Variants in SEC24C observed in about 807,000 individuals in gnomAD.
SEC24C encodes the protein SEC24 homolog C, COPII component.
SEC24C carries 22 observed loss-of-function variants against 117.0 expected under a neutral mutation model. The observed-to-expected ratio is 0.19, with a 90% CI of 0.13 to 0.27. SEC24C has a LOEUF of 0.27. Ranked by LOEUF, SEC24C falls within the 10% of genes least tolerant of loss-of-function variation. The pLI is 1.00. For synonymous variants in SEC24C, 506 were observed against 529.4 expected (o/e 0.96, Z 0.61); for missense variants, 1,155 against 1,375.1 (o/e 0.84, Z 2.53).
Position 73,768,850 on chromosome 10 carries a change from G to A in SEC24C, c.2222G>A (p.Arg741His), listed in dbSNP as rs1304531396. The A allele has an allele frequency of 4.3e-6, 7 of 1,614,008 alleles. No individual in the cohort carries two copies. The highest frequency in any genetic ancestry group is 2.2e-5 in the South Asian group (2 of 91,066). The change falls in exon 16 of 23, where the codon CGT becomes CAT. Residue 741 changes from arginine (R) to histidine (H), a missense_variant. Arg to His is a conservative substitution (Grantham distance 29). Around this residue, in one of 2 missense-constraint regions of SEC24C, gnomAD observed 759 missense variants for 992.3 expected, o/e 0.76. Coordinates refer to ENST00000345254, the MANE Select transcript of SEC24C (RefSeq NM_198597.3). ...GAGCGGTTCCTGAGTGACCTGCGTC[G>A]TGATGTCCAGAAGGTTGTTGGCTTT... ...DQERFLSDLRRDVQKVVGFDA... is the reference protein window; with the variant it reads ...DQERFLSDLRHDVQKVVGFDA...
Position 73,768,871 on chromosome 10 carries a change from G to A in SEC24C, c.2243G>A (p.Gly748Asp). 1 of 1,614,174 alleles carries A rather than the reference G, an allele frequency of 6.2e-7. No homozygotes were observed. The highest frequency in any genetic ancestry group is 8.5e-7 in the Non-Finnish European group (1 of 1,180,048). Residue 748 changes from glycine (G) to aspartate (D), a missense_variant, in exon 16 of 23, where the codon GGC becomes GAC. Gly to Asp is a moderately conservative substitution (Grantham distance 94). Around this residue, in one of 2 missense-constraint regions of SEC24C, gnomAD observed 759 missense variants for 992.3 expected, o/e 0.76. Transcript: ENST00000345254. The stretch of plus-strand genomic sequence containing the variant: ...CGTCGTGATGTCCAGAAGGTTGTTG[G>A]CTTTGATGCTGTGATGCGGGTCCGG... The part of the protein sequence containing the change: ...DLRRDVQKVV[G>D]FDAVMRVRTS...
At chr10:73,760,658 T>C in intron 5 of SEC24C, 55 bp from the exon 6 acceptor site, 1 of 1,516,210 alleles carries the variant, frequency 6.6e-7, no homozygotes. Flanking sequence ...CCTGAGGCCT[T>C]AAGAAGAGAT....
In SEC24C at chr10:73,769,525, A is replaced by G. The variant is rs1156477688; in HGVS notation, c.2563+40A>G. The G allele has an allele frequency of 1.2e-6, 2 of 1,613,840 alleles. No individual in the cohort carries two copies. Among genetic ancestry groups the G allele is most frequent in the Non-Finnish European group, 1.7e-6 (2 of 1,179,900 alleles). On this transcript the variant is annotated intron_variant, in intron 18 of 22. Coordinates refer to ENST00000345254, the MANE Select transcript of SEC24C (RefSeq NM_198597.3). This position sits in a 1 kb window ranked among gnomAD's most constrained non-coding sequence, Gnocchi z 4.5. Reference sequence around the variant, plus strand: ...AGGGCAGGGTGGGATTGGGGCTGAGAGGTCCAGGATGGTGAGTGGGTAGTT... The same window carrying G: ...AGGGCAGGGTGGGATTGGGGCTGAGGGGTCCAGGATGGTGAGTGGGTAGTT...
At chr10:73,760,956 TG>T (rs2082788393) in intron 6 of SEC24C, 107 bp downstream of exon 6, 10 of 1,279,606 alleles carry the variant, frequency 7.8e-6, no homozygotes, top group Non-Finnish European at 1.1e-5. Context: ...TTTCCCTTTT[TG>T]TTCATCTTCT....
At chr10:73,746,709 C>T in intron 1 of SEC24C, 96 bp from the exon 2 acceptor site, 1 of 759,766 alleles carries the variant, frequency 1.3e-6, no homozygotes, top group South Asian at 2.3e-5. Context: ...TGATCACTGT[C>T]TGATAAGGTC....
chr10:73,769,434 C>A lies in SEC24C; in HGVS notation c.2512C>A (p.Leu838Ile), dbSNP rs750148657. The change falls in exon 18 of 23, where the codon CTA (leucine) becomes ATA (isoleucine). Residue 838 changes from leucine to isoleucine, a missense_variant. Around this residue, in one of 2 missense-constraint regions of SEC24C, gnomAD observed 759 missense variants for 992.3 expected, o/e 0.76. Coordinates refer to ENST00000345254, the MANE Select transcript of SEC24C (RefSeq NM_198597.3). This position sits in a 1 kb window ranked among gnomAD's most constrained non-coding sequence, Gnocchi z 4.5. ...GAACTGCTGCACCCAGCTGGCTGAT[C>A]TATATCGAAACTGTGAGACTGACAC... ...ALNCCTQLAD[L>I]YRNCETDTLI... is the part of the protein sequence containing the mutation. 1.2e-6 allele frequency: 2 copies of A among 1,614,114 alleles called. No homozygotes were observed. The highest frequency in any genetic ancestry group is 1.7e-6 in the Non-Finnish European group (2 of 1,180,018).
intron 12 of SEC24C, 104 bp downstream of exon 12, chr10:73,766,645 G>T: frequency 1.4e-6 from 2 of 1,450,454 alleles, no homozygotes; most frequent in Non-Finnish European, 1.9e-6. Context: ...GAAAGGGGTT[G>T]TGGCCCAGGA....
At chr10:73,762,489 A>T (rs563102667) in intron 6 of SEC24C, among the ~76,000 whole-genome samples, 2 of 152,220 alleles carry the variant, frequency 1.3e-5, no homozygotes, top group South Asian at 4.1e-4. Context: ...TGTATGATGG[A>T]AGAGGACAAA....
intron 3 of SEC24C, among the ~76,000 whole-genome samples, chr10:73,754,426 A>G (rs2082683490): frequency 6.6e-6 from 1 of 152,190 alleles, no homozygotes; most frequent in Non-Finnish European, 1.5e-5. Context: ...GGAAAAAAAA[A>G]GTATATGGGA....
intron 5 of SEC24C, 83 bp from the exon 6 acceptor site, chr10:73,760,630 T>C: frequency 1.4e-6 from 2 of 1,383,638 alleles, no homozygotes; most frequent in Non-Finnish European, 2.0e-6. Flanking sequence ...TCTATGTTTT[T>C]AGGAGTCTAG....
At position 73,765,443 on chromosome 10, in the gene SEC24C, C is replaced by T. The variant is rs112292334; in HGVS notation, c.1228-8C>T. 3.1e-5 allele frequency: 50 copies of T among 1,606,978 alleles called. No homozygotes were observed. The highest frequency in any genetic ancestry group is 1.5e-4 in the South Asian group (14 of 90,958). On this transcript the variant is annotated splice_polypyrimidine_tract_variant and splice_region_variant and intron_variant, in intron 8 of 22. Transcript: ENST00000345254. ...TTTATGTCTGATCCCTTCCCCTTTG[C>T]GCCTTAGGCTTCACCGTATGTTGTG...
In SEC24C at chr10:73,749,539, CT is replaced by C. The variant is rs1163386772; in HGVS notation, c.173-1554del. Among the ~76,000 whole-genome samples the C allele has an allele frequency of 6.0e-3, 837 of 139,438 alleles. 11 individuals carry two copies. The highest frequency in any genetic ancestry group is 0.051 in the East Asian group (248 of 4,908). The allele number at this position is 139,438 out of a possible 152,430, so 91.5% of individuals were successfully genotyped here. A position where few individuals can be genotyped will look rare whatever the true frequency, so the allele number is the denominator to read the frequency against. On this transcript the variant is annotated intron_variant, in intron 2 of 22. Transcript: ENST00000345254. ...GCTTTTAACCTTACCTTTTCTTTTT[CT>C]TTTTTTTTTTTTTTCTTTTTGGAGA...
Position 73,771,086 on chromosome 10 carries a change from A to G in SEC24C, c.3276A>G (p.Leu1092=). The change falls in exon 23 of 23, where the codon CTA becomes CTG. Residue 1092 remains leucine, a synonymous_variant. Coordinates refer to ENST00000345254, the MANE Select transcript of SEC24C (RefSeq NM_198597.3). ...LCHMHKEIRQ[L]LS ...ATATGCACAAGGAGATTCGGCAGCT[A>G]CTGAGCTAAAGCAAGTGGGTAAATG... The G allele has an allele frequency of 6.2e-7, 1 of 1,613,996 alleles. No individual in the cohort carries two copies. The highest frequency in any genetic ancestry group is 1.3e-5 in the African/African-American group (1 of 75,032).
At chr10:73,755,041 G>A (rs1000871800) in intron 3 of SEC24C, among the ~76,000 whole-genome samples, 8 of 152,108 alleles carry the variant, frequency 5.3e-5, no homozygotes, top group Non-Finnish European at 1.2e-4. Flanking sequence ...GCTGAGGTGG[G>A]AGGATGGCTT....
intron 3 of SEC24C, among the ~76,000 whole-genome samples, chr10:73,755,873 A>T (rs1212864259): frequency 1.3e-5 from 2 of 150,050 alleles, no homozygotes; most frequent in Non-Finnish European, 3.0e-5. Flanking sequence ...TTTTTTAAAT[A>T]CAGAGTCTTG....
At chr10:73,767,280 A>G (rs112959800) in intron 14 of SEC24C, 110 bp downstream of exon 14, 56 of 704,818 alleles carry the variant, frequency 7.9e-5, no homozygotes, top group African/African-American at 4.9e-4. Context: ...TTCAAATACC[A>G]TATCTGTGAC....
chr10:73,748,167 G>A (rs1015256343), intron 2 of SEC24C, among the ~76,000 whole-genome samples: 4 of 150,050 alleles, frequency 2.7e-5, no homozygotes, highest in Non-Finnish European at 5.9e-5. Flanking sequence ...AGACAGTCTC[G>A]CTCTGTTGCC....
chr10:73,746,446 C>CT (rs1324744415), intron 1 of SEC24C, among the ~76,000 whole-genome samples: 1 of 152,178 alleles, frequency 6.6e-6, no homozygotes, highest in Non-Finnish European at 1.5e-5. Flanking sequence ...AACATTGTTT[C>CT]TTTCACCTGT....
intron 3 of SEC24C, among the ~76,000 whole-genome samples, chr10:73,754,034 C>T (rs1266542180): frequency 6.6e-6 from 1 of 152,070 alleles, no homozygotes; most frequent in Admixed American, 6.6e-5. Context: ...GACACTTCTT[C>T]CAGTATAGCC....
Sources: gnomAD v4.1 joint callset for allele counts (sites outside exome capture counted in the v4.1 genomes callset) on GRCh38, gnomAD v4.1.1 for gene constraint, gnomAD v4.1.1 regional missense constraint, Gnocchi (gnomAD v3.1) non-coding constraint, MANE v1.5 for transcripts, NCBI Gene and HGNC (gene_info 2026-07-23, HGNC 2026-07-21) for gene names.